The following KCNH7 variants were observed in gnomAD, a reference collection of about 807,000 sequenced individuals.
The protein encoded by KCNH7 is potassium voltage-gated channel subfamily H member 7.
In KCNH7, 49 loss-of-function variants were observed where a neutral mutation model predicts 120.8. The observed-to-expected ratio is 0.41, with a 90% CI of 0.32 to 0.51. KCNH7 has a LOEUF of 0.51. KCNH7 is among the 20% of genes least tolerant of loss of function. KCNH7 has a pLI of 0.38. For synonymous variants in KCNH7, 547 were observed against 516.1 expected, an observed-to-expected ratio of 1.06 and a Z score of -0.81; for missense variants, 1,097 against 1,446.6, an observed-to-expected ratio of 0.76 and a Z score of 3.92.
chr2:162,468,512 CTTTT>C (rs1166606647), intron 6 of KCNH7, among the ~76,000 whole-genome samples: 974 of 78,786 alleles, frequency 0.012, 9 homozygotes, highest in African/African-American at 0.063. Flanking sequence ...TATTCTTTTC[CTTTT>C]TTTTTTTTTT....
intron 2 of KCNH7, among the ~76,000 whole-genome samples, chr2:162,664,386 G>C (rs79265943): frequency 0.016 from 2,424 of 152,224 alleles, 75 homozygotes; most frequent in African/African-American, 0.055. Flanking sequence ...TTGGATAACT[G>C]TCATACAGCA....
intron 2 of KCNH7, among the ~76,000 whole-genome samples, chr2:162,773,516 C>G (rs1184170189): frequency 6.6e-6 from 1 of 152,066 alleles, no homozygotes; most frequent in East Asian, 1.9e-4. Context: ...AAACTTATGT[C>G]TTGCCAACTT....
chr2:162,453,777 T>C (rs886108628), intron 6 of KCNH7, among the ~76,000 whole-genome samples: 1 of 152,212 alleles, frequency 6.6e-6, no homozygotes, highest in Non-Finnish European at 1.5e-5. Context: ...AGAATGTGTG[T>C]TCATATCCTT....
chr2:162,568,910 G>A (rs896423191), intron 2 of KCNH7, among the ~76,000 whole-genome samples: 20 of 151,960 alleles, frequency 1.3e-4, no homozygotes, highest in Admixed American at 7.9e-4. Flanking sequence ...ATGTGCTGCT[G>A]GATTCGGTTT....
intron 9 of KCNH7, among the ~76,000 whole-genome samples, chr2:162,412,673 C>T (rs1036617883): frequency 6.6e-6 from 1 of 152,044 alleles, no homozygotes; most frequent in African/African-American, 2.4e-5. Context: ...TATGACAGGC[C>T]AATCTTTCAT....
At chr2:162,670,151 T>C (rs1047104729) in intron 2 of KCNH7, among the ~76,000 whole-genome samples, 1 of 150,652 alleles carries the variant, frequency 6.6e-6, no homozygotes, top group Non-Finnish European at 1.5e-5. Context: ...ATGTTTGAAA[T>C]GCAAATGCAA....
chr2:162,749,483 TA>T (rs1688467387), intron 2 of KCNH7, among the ~76,000 whole-genome samples: 1 of 152,120 alleles, frequency 6.6e-6, no homozygotes, highest in African/African-American at 2.4e-5. Flanking sequence ...AACAACATAA[TA>T]AAAATAATAC....
At chr2:162,494,407 A>C (rs1690425658) in intron 6 of KCNH7, among the ~76,000 whole-genome samples, 1 of 152,096 alleles carries the variant, frequency 6.6e-6, no homozygotes, top group South Asian at 2.1e-4. Flanking sequence ...GATGCTAGAG[A>C]GGGCCCCTGG....
At chr2:162,414,504 T>TATTTTCAC (rs1687483501) in intron 9 of KCNH7, among the ~76,000 whole-genome samples, 1 of 151,658 alleles carries the variant, frequency 6.6e-6, no homozygotes, top group South Asian at 2.1e-4. Flanking sequence ...TTAAAAGGAA[T>TATTTTCAC]GAATTAGTTG....
At chr2:162,539,858 G>A (rs1251211048) in intron 2 of KCNH7, among the ~76,000 whole-genome samples, 1 of 152,046 alleles carries the variant, frequency 6.6e-6, no homozygotes, top group African/African-American at 2.4e-5. Flanking sequence ...GACAATGAAA[G>A]GAGATACATG....
At chr2:162,767,701 TCA>T (rs542479276) in intron 2 of KCNH7, among the ~76,000 whole-genome samples, 112 of 152,254 alleles carry the variant, frequency 7.4e-4, no homozygotes, top group Non-Finnish European at 1.6e-3. Flanking sequence ...GGCCGTTTTC[TCA>T]GTTTTATCAT....
chr2:162,401,250 A>G (rs1002840449), intron 9 of KCNH7, among the ~76,000 whole-genome samples: 4 of 151,936 alleles, frequency 2.6e-5, no homozygotes, highest in African/African-American at 9.7e-5. Flanking sequence ...CTATTTTCAT[A>G]CAATTCTCAA....
At chr2:162,623,928 G>A (rs1211897704) in intron 2 of KCNH7, among the ~76,000 whole-genome samples, 1 of 152,162 alleles carries the variant, frequency 6.6e-6, no homozygotes, top group African/African-American at 2.4e-5. Flanking sequence ...CTCTGAAAAT[G>A]TTAAATGGAA....
chr2:162,428,084 A>G (rs1220351080), intron 8 of KCNH7, among the ~76,000 whole-genome samples: 1 of 151,870 alleles, frequency 6.6e-6, no homozygotes, highest in East Asian at 1.9e-4. Context: ...TTCTTAAAAT[A>G]CAAGCTTAGA....
chr2:162,633,184 C>A (rs1683828760), intron 2 of KCNH7, among the ~76,000 whole-genome samples: 1 of 151,802 alleles, frequency 6.6e-6, no homozygotes. Flanking sequence ...TTAGGTAACA[C>A]ACGGGGGTTT....
chr2:162,415,159 A>C (rs1308637795), intron 9 of KCNH7, among the ~76,000 whole-genome samples: 3 of 151,870 alleles, frequency 2.0e-5, no homozygotes, highest in Non-Finnish European at 2.9e-5. Context: ...AAAAAAAAAA[A>C]CAAAAAACAA....
At chr2:162,551,355 G>A (rs540445535) in intron 2 of KCNH7, among the ~76,000 whole-genome samples, 33 of 152,056 alleles carry the variant, frequency 2.2e-4, no homozygotes, top group Admixed American at 5.9e-4. Context: ...CTATATTCAT[G>A]AATGAAAAAA....
intron 8 of KCNH7, among the ~76,000 whole-genome samples, chr2:162,433,892 A>G (rs895534449): frequency 1.1e-4 from 16 of 152,054 alleles, no homozygotes; most frequent in African/African-American, 3.6e-4. Flanking sequence ...ATACCTGAAG[A>G]AAAATAAATC....
intron 14 of KCNH7, 49 bp from the exon 15 acceptor site, chr2:162,373,711 T>G: frequency 7.7e-7 from 1 of 1,300,316 alleles, no homozygotes; most frequent in Non-Finnish European, 1.0e-6. Flanking sequence ...TAGTCCAGAA[T>G]TTCAGGAGCA....
Sources: gnomAD v4.1 joint callset for allele counts (sites outside exome capture counted in the v4.1 genomes callset) on GRCh38, gnomAD v4.1.1 for gene constraint, MANE v1.5 for transcripts, NCBI Gene and HGNC (gene_info 2026-07-23, HGNC 2026-07-21) for gene names.